LRRC18: variants seen among roughly 807,000 people sequenced by gnomAD.
LRRC18 encodes the protein leucine-rich repeat-containing protein 18.
LRRC18 carries 12 observed loss-of-function variants against 11.2 expected under a neutral mutation model. The observed-to-expected ratio is 1.07, with a 90% CI of 0.69 to 1.74. The LOEUF is 1.74. LRRC18 is among the 40% of genes most tolerant of loss of function. The probability of loss-of-function intolerance (pLI) is 0.00; values close to 1 mark genes in which losing one functional copy is unlikely to be tolerated. For missense variants in LRRC18, 374 were observed against 330.5 expected, an observed-to-expected ratio of 1.13 and a Z score of -1.02; for synonymous variants, 155 against 130.6, an observed-to-expected ratio of 1.19 and a Z score of -1.27.
At chr10:48,910,168 G>A (rs1837867042) in exon 2 of LRRC18, 1 of 1,392,210 alleles carries the variant, frequency 7.2e-7, no homozygotes, top group Non-Finnish European at 1.0e-6. Flanking sequence ...CTCCTAACTG[G>A]GGGCTTCTCC....
chr10:48,927,236 C>A, the LRRC18 span, among the ~76,000 whole-genome samples: 5 of 152,186 alleles, frequency 3.3e-5, no homozygotes, highest in African/African-American at 1.2e-4. Flanking sequence ...ACCCTCCCCC[C>A]TGCTTCCACA....
upstream of LRRC18, among the ~76,000 whole-genome samples, chr10:48,914,550 C>CCT (rs1838328110): frequency 6.6e-6 from 1 of 152,140 alleles, no homozygotes; most frequent in African/African-American, 2.4e-5. Flanking sequence ...AACCCAGAGC[C>CCT]ATGTGTGTGT....
At chr10:48,917,624 A>G (rs1169992889), upstream of LRRC18, among the ~76,000 whole-genome samples, 1 of 152,206 alleles carries the variant, frequency 6.6e-6, no homozygotes, top group Non-Finnish European at 1.5e-5. Context: ...AGAACTATCA[A>G]CCCAGACTGT....
chr10:48,934,878 G>A, the LRRC18 span, among the ~76,000 whole-genome samples: 5 of 152,160 alleles, frequency 3.3e-5, no homozygotes, highest in African/African-American at 1.2e-4. Context: ...GATCCCCAAA[G>A]CACCAATGAC....
At chr10:48,936,535 T>C in the LRRC18 span, among the ~76,000 whole-genome samples, 1 of 152,054 alleles carries the variant, frequency 6.6e-6, no homozygotes, top group Non-Finnish European at 1.5e-5. Flanking sequence ...TGTAAAACCG[T>C]ATGAAAATTA....
the LRRC18 span, among the ~76,000 whole-genome samples, chr10:48,928,569 A>G: frequency 1.3e-5 from 2 of 152,006 alleles, no homozygotes; most frequent in Non-Finnish European, 2.9e-5. Flanking sequence ...CAGTTAATTT[A>G]TCCTGGGGGC....
At chr10:48,916,363 T>C (rs1838531608), upstream of LRRC18, among the ~76,000 whole-genome samples, 1 of 152,068 alleles carries the variant, frequency 6.6e-6, no homozygotes, top group Non-Finnish European at 1.5e-5. Context: ...CTGTTTGGTG[T>C]TCTGTTTTTT....
chr10:48,915,419 T>TG (rs1838427015), upstream of LRRC18, among the ~76,000 whole-genome samples: 3 of 149,832 alleles, frequency 2.0e-5, no homozygotes, highest in Admixed American at 1.3e-4. Context: ...GCTTGCTGAT[T>TG]TTTTTTTTTG....
At chr10:48,930,825 A>T in the LRRC18 span, among the ~76,000 whole-genome samples, 1 of 152,252 alleles carries the variant, frequency 6.6e-6, no homozygotes, top group Non-Finnish European at 1.5e-5. Flanking sequence ...GTCAAAAGGC[A>T]AAATGCTGAA....
chr10:48,931,699 A>G, the LRRC18 span, among the ~76,000 whole-genome samples: 1 of 152,190 alleles, frequency 6.6e-6, no homozygotes, highest in Non-Finnish European at 1.5e-5. Context: ...AAATGCTGCA[A>G]TGTCTAATCC....
exon 1 of LRRC18, chr10:48,913,427 G>T (rs147406722): frequency 6.2e-7 from 1 of 1,612,936 alleles, no homozygotes; most frequent in African/African-American, 1.3e-5. Context: ...CCATGGAATT[G>T]GGTGAGATCA....
chr10:48,938,652 A>T, the LRRC18 span, among the ~76,000 whole-genome samples: 7 of 152,226 alleles, frequency 4.6e-5, no homozygotes, highest in Non-Finnish European at 8.8e-5. Context: ...GATGCTGTGC[A>T]GTGTGGGGTA....
chr10:48,914,655 C>G (rs1275058812), upstream of LRRC18, among the ~76,000 whole-genome samples: 1 of 152,184 alleles, frequency 6.6e-6, no homozygotes, highest in Non-Finnish European at 1.5e-5. Flanking sequence ...GCTGAGTTTT[C>G]CAGCCAACAT....
chr10:48,936,729 T>C, the LRRC18 span, among the ~76,000 whole-genome samples: 1 of 151,166 alleles, frequency 6.6e-6, no homozygotes, highest in Non-Finnish European at 1.5e-5. Flanking sequence ...TGCCAGCTAC[T>C]TGGGAGGCTG....
At chr10:48,913,668 A>G (rs754149127) in exon 1 of LRRC18, 4 of 1,613,552 alleles carry the variant, frequency 2.5e-6, no homozygotes, top group Admixed American at 3.3e-5. Flanking sequence ...GAGCTTGGAG[A>G]TGCTCACGGG....
exon 2 of LRRC18, chr10:48,910,117 C>T (rs377201986): frequency 1.8e-5 from 17 of 951,738 alleles, no homozygotes; most frequent in East Asian, 9.7e-5. Flanking sequence ...CCAGCTCCGG[C>T]GAGCCTGGTT....
intron 1 of LRRC18, chr10:48,910,966 A>G: frequency 1.1e-6 from 1 of 950,002 alleles, no homozygotes; most frequent in Non-Finnish European, 1.3e-6. Flanking sequence ...AATTAATTCT[A>G]AAGAAAAAGT....
At chr10:48,936,084 A>G in the LRRC18 span, among the ~76,000 whole-genome samples, 149 of 152,336 alleles carry the variant, frequency 9.8e-4, 1 homozygote, top group East Asian at 0.026. Context: ...AAATTAGAAA[A>G]TAAATTAACT....
At chr10:48,923,995 GTGA>G in the LRRC18 span, among the ~76,000 whole-genome samples, 1 of 152,206 alleles carries the variant, frequency 6.6e-6, no homozygotes, top group South Asian at 2.1e-4. Context: ...CTGATGAATG[GTGA>G]TGAGGAAGCA....
Sources: allele counts gnomAD v4.1 joint callset (sites outside exome capture counted in the v4.1 genomes callset), GRCh38; gene constraint gnomAD v4.1.1; transcripts MANE v1.5; gene names NCBI Gene and HGNC (gene_info 2026-07-23, HGNC 2026-07-21).